The following FOXK1 variants were observed in gnomAD, a reference collection of about 807,000 sequenced individuals.
The protein encoded by FOXK1 is forkhead box K1.
FOXK1 carries 19 observed loss-of-function variants against 51.9 expected under a neutral mutation model. The ratio of observed to expected loss-of-function variants is 0.37; its 90% CI spans 0.26 to 0.54. The LOEUF is 0.54. FOXK1 is among the 20% of genes least tolerant of loss of function. The pLI, the probability that FOXK1 is intolerant of heterozygous loss-of-function variation, is 0.87. For missense variants in FOXK1, 870 were observed against 1,032.7 expected (o/e 0.84, Z 2.16); for synonymous variants, 537 against 482.6 (o/e 1.11, Z -1.48).
chr7:4,740,210 T>C, intron 1 of FOXK1, among the ~76,000 whole-genome samples: 1 of 151,696 alleles, frequency 6.6e-6, no homozygotes, highest in South Asian at 2.1e-4. Context: ...GCAGGCGGAT[T>C]ACGAGGTCAG....
intron 1 of FOXK1, among the ~76,000 whole-genome samples, chr7:4,721,922 T>C (rs73048446): frequency 5.3e-3 from 811 of 152,342 alleles, no homozygotes; most frequent in Middle Eastern, 0.027. Context: ...GTTTTGTTTT[T>C]CCAAATTAGA....
chr7:4,741,436 C>A (rs904152398), intron 2 of FOXK1, among the ~76,000 whole-genome samples: 2 of 152,090 alleles, frequency 1.3e-5, no homozygotes, highest in African/African-American at 4.8e-5. Context: ...TCAAGGGATT[C>A]TCTTGCCTCA....
chr7:4,759,646 G>A (rs574608935), intron 7 of FOXK1, 51 bp downstream of exon 7: 15 of 1,497,756 alleles, frequency 1.0e-5, no homozygotes, highest in Admixed American at 8.2e-5. Context: ...TGGTGGTCCC[G>A]GCCGGCAAGT....
Position 4,759,588 on chromosome 7 carries a change from G to A in FOXK1, c.1689G>A (p.Glu563=). The A allele has an allele frequency of 6.5e-7, 1 of 1,535,996 alleles. No individual in the cohort carries two copies. The highest frequency in any genetic ancestry group is 2.4e-5 in the East Asian group (1 of 40,994). Residue 563 remains glutamate (E), a synonymous_variant, in exon 7 of 9, where the codon GAG becomes GAA. Coordinates refer to ENST00000328914, the MANE Select transcript of FOXK1 (RefSeq NM_001037165.2). The stretch of plus-strand genomic sequence containing the variant: ...CAGCCGTGCTGGACCTGGGCAGCGA[G>A]GCCAGAGGTAATGCAGCCGCGGCTG... ...AGAAVLDLGS[E]ARGLEEKPTI...
intron 1 of FOXK1, among the ~76,000 whole-genome samples, chr7:4,698,725 T>G (rs1037847823): frequency 6.6e-6 from 1 of 152,030 alleles, no homozygotes; most frequent in Non-Finnish European, 1.5e-5. Flanking sequence ...GCTAATTTTT[T>G]TGTGTGTTTC....
chr7:4,718,652 T>C (rs550708830), intron 1 of FOXK1, among the ~76,000 whole-genome samples: 1 of 152,232 alleles, frequency 6.6e-6, no homozygotes, highest in East Asian at 1.9e-4. Context: ...GGCATAGGTT[T>C]TGTTTTTAAA....
intron 2 of FOXK1, among the ~76,000 whole-genome samples, chr7:4,742,191 G>A (rs1245598492): frequency 6.6e-6 from 1 of 152,228 alleles, no homozygotes; most frequent in East Asian, 1.9e-4. Flanking sequence ...TAGGGCTGTT[G>A]TGAACATGGT....
At chr7:4,732,648 G>A (rs1461344837) in intron 1 of FOXK1, among the ~76,000 whole-genome samples, 2 of 152,284 alleles carry the variant, frequency 1.3e-5, no homozygotes, top group African/African-American at 2.4e-5. Context: ...CCATAGTAAC[G>A]CAAGGCTTCA....
intron 2 of FOXK1, among the ~76,000 whole-genome samples, chr7:4,744,038 G>A (rs556933473): frequency 3.1e-4 from 47 of 152,106 alleles, no homozygotes; most frequent in Middle Eastern, 6.8e-3. Context: ...CACCACGCCC[G>A]GCTAATTTTT....
intron 7 of FOXK1, 47 bp downstream of exon 7, chr7:4,759,642 T>C (rs1272612809): frequency 6.7e-7 from 1 of 1,501,070 alleles, no homozygotes; most frequent in South Asian, 1.3e-5. Context: ...TTTGTGGTGG[T>C]CCCGGCCGGC....
chr7:4,716,973 G>T (rs372219588), intron 1 of FOXK1, among the ~76,000 whole-genome samples: 64 of 151,990 alleles, frequency 4.2e-4, no homozygotes, highest in African/African-American at 1.5e-3. Context: ...GAGGCGTGTG[G>T]CTGGGAGGTG....
rs1452273599 is a variant in FOXK1, at chr7:4,682,996, G to A, written c.560+128G>A. 1 of 831,760 alleles carries A rather than the reference G, an allele frequency of 1.2e-6. No individual in the cohort carries two copies. 51.5% of individuals were successfully genotyped at this position (831,760 alleles called of 1,614,324 possible). On this transcript the variant is annotated intron_variant, in intron 1 of 8. Coordinates refer to ENST00000328914, the MANE Select transcript of FOXK1 (RefSeq NM_001037165.2). The surrounding 1 kb of genome is among the most constrained non-coding windows in gnomAD (Gnocchi z 7.6). ...GACCCCCACCCCCCGGCCCACCCCC[G>A]GTAACCCCCGACCGGCCTGGACTCC...
chr7:4,717,416 A>G lies in FOXK1; in HGVS notation c.561-23422A>G, dbSNP rs534490100. On this transcript the variant is annotated intron_variant, in intron 1 of 8. Coordinates refer to ENST00000328914, the MANE Select transcript of FOXK1 (RefSeq NM_001037165.2). Reference sequence around the variant, plus strand: ...GAAGGTGGTAGCGGGAGGTGTGTGGATGGAAGGTGGTGGTGGGAGGTGCAT... The same window carrying G: ...GAAGGTGGTAGCGGGAGGTGTGTGGGTGGAAGGTGGTGGTGGGAGGTGCAT... Among the ~76,000 whole-genome samples, 944 of 124,318 alleles carry G rather than the reference A, an allele frequency of 7.6e-3. 10 individuals carry two copies. Among genetic ancestry groups the G allele is most frequent in the African/African-American group, 0.029 (917 of 31,946 alleles). The allele number at this position is 124,318 out of a possible 152,430, so 81.6% of individuals were successfully genotyped here.
Position 4,706,006 on chromosome 7 carries a change from A to ATATACGTATATATACGTG in FOXK1, c.560+23142_560+23143insCGTATATATACGTGTATA, listed in dbSNP as rs1562373129. Among the ~76,000 whole-genome samples, 185 of 100,200 alleles carry ATATACGTATATATACGTG rather than the reference A, an allele frequency of 1.8e-3. 7 individuals are homozygous for ATATACGTATATATACGTG. Among genetic ancestry groups the ATATACGTATATATACGTG allele is most frequent in the Non-Finnish European group, 2.5e-3 (135 of 53,544 alleles). 65.7% of individuals were successfully genotyped at this position (100,200 alleles called of 152,430 possible). Reference sequence around the variant, plus strand: ...TACGTATATATACGTATATATACGTATATATACGTATATATACGTGTATAT... The same window carrying ATATACGTATATATACGTG: ...TACGTATATATACGTATATATACGTATATACGTATATATACGTGTATATACGTATATATACGTGTATAT... On this transcript the variant is annotated intron_variant, in intron 1 of 8. Transcript: ENST00000328914.
Position 4,682,785 on chromosome 7 carries a change from C to T in FOXK1, c.477C>T (p.Tyr159=). 1 of 1,592,676 alleles carries T rather than the reference C, an allele frequency of 6.3e-7. No individual in the cohort carries two copies. The highest frequency in any genetic ancestry group is 8.5e-7 in the Non-Finnish European group (1 of 1,175,826). ...TCAGCTTCCAGGAGCCGCACTTCTACCTGCGCTGCCTCGGCAAGAACGGCG... is the reference window on the plus strand; with the variant it reads ...TCAGCTTCCAGGAGCCGCACTTCTATCTGCGCTGCCTCGGCAAGAACGGCG... ...LQLSFQEPHF[Y]LRCLGKNGVF... The change falls in exon 1 of 9, where the codon TAC becomes TAT. Residue 159 remains tyrosine, a synonymous_variant. Coordinates refer to ENST00000328914, the MANE Select transcript of FOXK1 (RefSeq NM_001037165.2). The surrounding 1 kb of genome is among the most constrained non-coding windows in gnomAD (Gnocchi z 7.6).
intron 1 of FOXK1, among the ~76,000 whole-genome samples, chr7:4,736,435 CAG>C (rs921214001): frequency 2.1e-5 from 3 of 141,344 alleles, no homozygotes; most frequent in African/African-American, 5.3e-5. Context: ...TTTTTTAAGA[CAG>C]AGTTTTGCTC....
In FOXK1 at chr7:4,715,051, G is replaced by A. The variant is rs879624569; in HGVS notation, c.561-25787G>A. On this transcript the variant is annotated intron_variant, in intron 1 of 8. Coordinates refer to ENST00000328914, the MANE Select transcript of FOXK1 (RefSeq NM_001037165.2). This position sits in a 1 kb window ranked among gnomAD's most constrained non-coding sequence, Gnocchi z 4.5. ...ATCAGAGGTTACATAGGCTTGGGGCGTAGCTTTTCTGATCAGATGAGTTTC... is the reference window on the plus strand; with the variant it reads ...ATCAGAGGTTACATAGGCTTGGGGCATAGCTTTTCTGATCAGATGAGTTTC... Among the ~76,000 whole-genome samples the A allele has an allele frequency of 3.3e-5, 5 of 152,168 alleles. No homozygotes were observed. The highest frequency in any genetic ancestry group is 2.0e-4 in the Admixed American group (3 of 15,270).
rs1780931708 is a variant in FOXK1, at chr7:4,761,455, T to G, written c.1921+167T>G. Among the ~76,000 whole-genome samples the G allele has an allele frequency of 6.6e-6, 1 of 151,834 alleles. No individual in the cohort carries two copies. The highest frequency in any genetic ancestry group is 2.4e-5 in the African/African-American group (1 of 41,304). Reference sequence around the variant, plus strand: ...TGGGGTAATGCAAAGAAAAAGAGGGTGGAAGGGGCCACCTATCATCCCAGC... The same window carrying G: ...TGGGGTAATGCAAAGAAAAAGAGGGGGGAAGGGGCCACCTATCATCCCAGC... On this transcript the variant is annotated intron_variant, in intron 8 of 8. Transcript: ENST00000328914. This position sits in a 1 kb window ranked among gnomAD's most constrained non-coding sequence, Gnocchi z 6.2.
At position 4,769,182 on chromosome 7, in the gene FOXK1, T is replaced by C. The variant is rs573820761; in HGVS notation, c.*6718T>C. 6.6e-6 allele frequency: 1 copy of C among 152,322 alleles called. No individual in the cohort carries two copies. Among genetic ancestry groups the C allele is most frequent in the Admixed American group, 6.5e-5 (1 of 15,292 alleles). The allele number at this position is 152,322 out of a possible 1,614,324, so 9.4% of individuals were successfully genotyped here. ...AGGGAGAAACCCCTCGGAAGAATCTTAGTCACTCTTTGCACCTGCCCTGTC... is the reference window on the plus strand; with the variant it reads ...AGGGAGAAACCCCTCGGAAGAATCTCAGTCACTCTTTGCACCTGCCCTGTC... On this transcript the variant is annotated 3_prime_UTR_variant, in exon 9 of 9. Coordinates refer to ENST00000328914, the MANE Select transcript of FOXK1 (RefSeq NM_001037165.2). This position sits in a 1 kb window ranked among gnomAD's most constrained non-coding sequence, Gnocchi z 4.1.
Sources: gnomAD v4.1 joint callset for allele counts (sites outside exome capture counted in the v4.1 genomes callset) on GRCh38, gnomAD v4.1.1 for gene constraint, Gnocchi (gnomAD v3.1) non-coding constraint, MANE v1.5 for transcripts, NCBI Gene and HGNC (gene_info 2026-07-23, HGNC 2026-07-21) for gene names.